EPHA6: variants seen among roughly 807,000 people sequenced by gnomAD.
EPHA6 encodes the protein EPH receptor A6.
EPHA6 carries 50 observed loss-of-function variants against 112.0 expected under a neutral mutation model. The observed-to-expected ratio is 0.45, with a 90% confidence interval of 0.36 to 0.56. EPHA6 has a LOEUF of 0.56. Among genes scored for constraint, EPHA6 ranks in the 20% least tolerant of loss-of-function variants. The probability of loss-of-function intolerance (pLI) is 0.00; values close to 1 mark genes in which losing one functional copy is unlikely to be tolerated. For missense variants in EPHA6, 1,280 were observed against 1,417.4 expected (o/e 0.90, Z 1.56); for synonymous variants, 529 against 490.7 (o/e 1.08, Z -1.03).
chr3:96,836,363 G>T (rs1259687915), intron 1 of EPHA6, among the ~76,000 whole-genome samples: 1 of 152,012 alleles, frequency 6.6e-6, no homozygotes, highest in Non-Finnish European at 1.5e-5. Context: ...TCTTTTTGTG[G>T]CCTTGGGCAG....
intron 13 of EPHA6, among the ~76,000 whole-genome samples, chr3:97,625,404 A>T (rs1169086740): frequency 2.6e-5 from 4 of 151,776 alleles, no homozygotes. Flanking sequence ...CAGAGAACAT[A>T]CTTTGTATGA....
At chr3:97,143,430 AT>A (rs920129192) in intron 3 of EPHA6, among the ~76,000 whole-genome samples, 5 of 151,774 alleles carry the variant, frequency 3.3e-5, no homozygotes, top group African/African-American at 1.2e-4. Context: ...TACAAAGTCA[AT>A]TTTTAGATAC....
chr3:97,024,734 T>A (rs2044579419), intron 3 of EPHA6, among the ~76,000 whole-genome samples: 1 of 152,220 alleles, frequency 6.6e-6, no homozygotes, highest in Non-Finnish European at 1.5e-5. Context: ...AGTTTCTTCC[T>A]GCAAAGAGTT....
chr3:97,271,518 C>T (rs888582339), intron 5 of EPHA6, among the ~76,000 whole-genome samples: 20 of 152,164 alleles, frequency 1.3e-4, no homozygotes, highest in African/African-American at 4.3e-4. Context: ...CCACCATACC[C>T]GGCTACTTTT....
chr3:97,344,430 G>T (rs2083444193), intron 5 of EPHA6, among the ~76,000 whole-genome samples: 2 of 152,086 alleles, frequency 1.3e-5, no homozygotes, highest in African/African-American at 4.8e-5. Context: ...CCTCCTAATG[G>T]GATTAGTGCC....
At position 96,973,913 on chromosome 3, in the gene EPHA6, G is replaced by A. The variant is rs969635985; in HGVS notation, c.451-13417G>A. On this transcript the variant is annotated intron_variant, in intron 2 of 17. Transcript: ENST00000389672. ...ATATTATATAATATATGATATAATAGATTCTGTATATTATATAATATATAA... is the reference window on the plus strand; with the variant it reads ...ATATTATATAATATATGATATAATAAATTCTGTATATTATATAATATATAA... Among the ~76,000 whole-genome samples, 81 of 142,030 alleles carry A rather than the reference G, an allele frequency of 5.7e-4. 1 individual carries two copies. The East Asian group carries it at 0.016, about 28-fold the overall frequency. The allele number at this position is 142,030 out of a possible 152,430, so 93.2% of individuals were successfully genotyped here. A position where few individuals can be genotyped will look rare whatever the true frequency, so the allele number is the denominator to read the frequency against.
intron 3 of EPHA6, among the ~76,000 whole-genome samples, chr3:97,215,291 T>C (rs1304136485): frequency 6.6e-6 from 1 of 152,244 alleles, no homozygotes. Context: ...AGATTATTCA[T>C]TTCTTATTTT....
intron 14 of EPHA6, among the ~76,000 whole-genome samples, chr3:97,697,154 C>A (rs2033096044): frequency 1.3e-5 from 2 of 152,182 alleles, no homozygotes; most frequent in African/African-American, 2.4e-5. Context: ...GGCGCCACAA[C>A]ACTCAAGCTG....
At chr3:97,071,740 C>T (rs1051531793) in intron 3 of EPHA6, among the ~76,000 whole-genome samples, 2 of 151,838 alleles carry the variant, frequency 1.3e-5, no homozygotes, top group Non-Finnish European at 2.9e-5. Context: ...TCTTTATTTC[C>T]ATAGGTTTTG....
At chr3:97,500,682 T>C (rs1169859095) in intron 10 of EPHA6, among the ~76,000 whole-genome samples, 1 of 152,134 alleles carries the variant, frequency 6.6e-6, no homozygotes, top group Non-Finnish European at 1.5e-5. Flanking sequence ...AAGAGTGTGT[T>C]TGTCTCCTGC....
At chr3:97,185,182 C>A (rs1194717766) in intron 3 of EPHA6, among the ~76,000 whole-genome samples, 3 of 152,074 alleles carry the variant, frequency 2.0e-5, no homozygotes, top group East Asian at 1.9e-4. Context: ...AAAACACCAA[C>A]AGCAATGGCA....
chr3:97,276,384 A>T (rs969802537), intron 5 of EPHA6, among the ~76,000 whole-genome samples: 2 of 151,946 alleles, frequency 1.3e-5, no homozygotes, highest in Non-Finnish European at 2.9e-5. Flanking sequence ...GATGCGGCTT[A>T]GGAGGAATCC....
chr3:97,698,644 C>A, intron 14 of EPHA6, among the ~76,000 whole-genome samples: 1 of 152,110 alleles, frequency 6.6e-6, no homozygotes, highest in East Asian at 1.9e-4. Context: ...AAAAGGAGAG[C>A]AGTATTATAT....
At position 97,318,196 on chromosome 3, in the gene EPHA6, A is replaced by C. The variant is rs919417666; in HGVS notation, c.1606+73909A>C. On this transcript the variant is annotated intron_variant, in intron 5 of 17. Coordinates refer to ENST00000389672, the MANE Select transcript of EPHA6 (RefSeq NM_001080448.3). ...AAAGTCCAGAATCATTTTAAAACTG[A>C]AAACGTAAAGATGACAACTATAGGA... Among the ~76,000 whole-genome samples, 4 of 152,128 alleles carry C rather than the reference A, an allele frequency of 2.6e-5. No homozygotes were observed. The East Asian group carries it at 5.8e-4, about 22-fold the overall frequency.
intron 3 of EPHA6, among the ~76,000 whole-genome samples, chr3:97,213,659 C>T (rs2077942124): frequency 6.9e-6 from 1 of 145,062 alleles, no homozygotes; most frequent in Non-Finnish European, 1.5e-5. Context: ...AACTTATCAT[C>T]AGCCCAGCGA....
rs985412564 is a variant in EPHA6 at position 97,761,293 on chromosome 3, G to A, written c.*12592G>A. On this transcript the variant is annotated 3_prime_UTR_variant, in exon 18 of 18. Transcript: ENST00000389672. ...TTATAGAATGCTCAGCTCTCAATAT[G>A]AGGGGTTGTTTGTGGTGAATTGCAT... 1.0e-5 allele frequency: 2 copies of A among 195,806 alleles called. No homozygotes were observed. Among genetic ancestry groups the A allele is most frequent in the Admixed American group, 1.2e-4 (2 of 16,452 alleles). 12.1% of individuals were successfully genotyped at this position (195,806 alleles called of 1,614,324 possible).
intron 2 of EPHA6, among the ~76,000 whole-genome samples, chr3:96,971,817 TCAGC>T (rs1247921696): frequency 6.6e-6 from 1 of 152,158 alleles, no homozygotes; most frequent in Non-Finnish European, 1.5e-5. Flanking sequence ...CTTTTCATTC[TCAGC>T]CATTCTGCAT....
intron 5 of EPHA6, among the ~76,000 whole-genome samples, chr3:97,294,007 A>G (rs2080789747): frequency 6.6e-6 from 1 of 152,216 alleles, no homozygotes; most frequent in South Asian, 2.1e-4. Flanking sequence ...AGGTTCAGCT[A>G]CAACATTGCT....
chr3:97,411,794 A>T (rs2087733417), intron 6 of EPHA6, among the ~76,000 whole-genome samples: 1 of 152,082 alleles, frequency 6.6e-6, no homozygotes, highest in Non-Finnish European at 1.5e-5. Context: ...AAACCTATGT[A>T]TTTTTATGCT....
Sources: gnomAD v4.1 joint callset for allele counts (sites outside exome capture counted in the v4.1 genomes callset) on GRCh38, gnomAD v4.1.1 for gene constraint, MANE v1.5 for transcripts, NCBI Gene and HGNC (gene_info 2026-07-23, HGNC 2026-07-21) for gene names.